LMLN: variants seen among roughly 807,000 people sequenced by gnomAD.
LMLN encodes the protein leishmanolysin-like peptidase.
Under a neutral mutation model 92.3 loss-of-function variants are expected in LMLN, and 70 were observed. The observed-to-expected ratio is 0.76, with a 90% CI of 0.63 to 0.92. LMLN has a LOEUF of 0.92. LMLN is among the 40% of genes least tolerant of loss of function. The probability of loss-of-function intolerance (pLI) is 0.00; values close to 1 mark genes in which losing one functional copy is unlikely to be tolerated. For synonymous variants in LMLN, 308 were observed against 296.2 expected (o/e 1.04, Z -0.41); for missense variants, 691 against 814.6 (o/e 0.85, Z 1.85).
At chr3:198,020,784 T>G (rs1168707303) in intron 12 of LMLN, among the ~76,000 whole-genome samples, 1 of 136,848 alleles carries the variant, frequency 7.3e-6, no homozygotes, top group African/African-American at 2.8e-5. Context: ...TTTTTTTTTT[T>G]TTTTTTTTTT....
intron 1 of LMLN, among the ~76,000 whole-genome samples, chr3:197,967,390 G>A (rs765474983): frequency 8.5e-5 from 13 of 152,174 alleles, no homozygotes; most frequent in African/African-American, 1.4e-4. Flanking sequence ...CGTGATGCCC[G>A]CCTGAGCCGC....
At chr3:197,984,767 C>T (rs1721655580) in intron 7 of LMLN, among the ~76,000 whole-genome samples, 1 of 151,928 alleles carries the variant, frequency 6.6e-6, no homozygotes, top group Admixed American at 6.6e-5. Flanking sequence ...CTGCAACCTC[C>T]TGGGCTCAAA....
intron 8 of LMLN, among the ~76,000 whole-genome samples, chr3:197,988,977 C>G (rs989916574): frequency 4.6e-5 from 7 of 152,190 alleles, no homozygotes; most frequent in Non-Finnish European, 8.8e-5. Flanking sequence ...GCCACTGCAC[C>G]TGGCCTATGT....
At chr3:198,014,238 G>C (rs1722547415) in intron 11 of LMLN, among the ~76,000 whole-genome samples, 2 of 140,444 alleles carry the variant, frequency 1.4e-5, no homozygotes, top group Admixed American at 7.1e-5. Flanking sequence ...TGACTTCTCT[G>C]TATCCTTCAG....
rs1429120281 is a variant in LMLN, at chr3:197,980,505, G to T, written c.728+1G>T. 1.2e-6 allele frequency: 2 copies of T among 1,610,368 alleles called. No homozygotes were observed. Among genetic ancestry groups the T allele is most frequent in the Non-Finnish European group, 1.7e-6 (2 of 1,177,980 alleles). On this transcript the variant is annotated splice_donor_variant, in intron 6 of 15. Coordinates refer to ENST00000330198, the Ensembl canonical transcript of LMLN. LOFTEE classifies it high-confidence loss of function. ...GTCAGCAGGAAGCAAACATGGACAG[G>T]TAATCTTTCCTCCGGGACTTAGTTT... is the stretch of plus-strand genomic sequence containing the variant.
At position 198,035,824 on chromosome 3, in the gene LMLN, T is replaced by A; in HGVS notation, c.1657-9T>A. On this transcript the variant is annotated splice_polypyrimidine_tract_variant and intron_variant, in intron 14 of 15. Coordinates refer to ENST00000330198, the Ensembl canonical transcript of LMLN. The stretch of plus-strand genomic sequence containing the variant: ...TATTTTTATATATCTATTTTTTTCC[T>A]GTTTGAAGGTTTCTTGTTCTCCTCA... 1 of 1,604,070 alleles carries A rather than the reference T, an allele frequency of 6.2e-7. No homozygotes were observed. Among genetic ancestry groups the A allele is most frequent in the South Asian group, 1.1e-5 (1 of 90,126 alleles).
chr3:198,020,773 T>TC (rs1722758707), intron 12 of LMLN, among the ~76,000 whole-genome samples: 1 of 123,572 alleles, frequency 8.1e-6, no homozygotes, highest in Non-Finnish European at 1.7e-5. Context: ...TTTGTATTTT[T>TC]TTTTTTTTTT....
intron 14 of LMLN, 37 bp downstream of exon 15, chr3:198,024,825 A>G: frequency 6.5e-7 from 1 of 1,534,776 alleles, no homozygotes; most frequent in Non-Finnish European, 8.8e-7. Context: ...GCCAAATATT[A>G]TGTGATTTTA....
Position 197,996,264 on chromosome 3 carries a change from G to A in LMLN, c.1137G>A (p.Trp379Ter). Reference sequence around the variant, plus strand: ...GTGTGGGCACTGAGCTCAACCATTGGGAAAAAAGGTTATTAGAGGTCAGTT... The same window carrying A: ...GTGTGGGCACTGAGCTCAACCATTGAGAAAAAAGGTTATTAGAGGTCAGTT... Residue 379 changes from tryptophan (W) to a stop codon, truncating the protein, a stop_gained, in exon 10 of 16, where the codon TGG becomes TGA. Coordinates refer to ENST00000330198, the Ensembl canonical transcript of LMLN. LOFTEE classifies it high-confidence loss of function. 2 of 1,592,962 alleles carry A rather than the reference G, an allele frequency of 1.3e-6. No homozygotes were observed. The highest frequency in any genetic ancestry group is 1.7e-6 in the Non-Finnish European group (2 of 1,168,600).
At chr3:197,963,201 C>CTTTTT (rs59827521) in intron 1 of LMLN, among the ~76,000 whole-genome samples, 7 of 144,070 alleles carry the variant, frequency 4.9e-5, no homozygotes, top group East Asian at 2.0e-4. Flanking sequence ...TTTTCTCTCT[C>CTTTTT]TTTTTTTTTT....
intron 9 of LMLN, 23 bp from the exon 10 acceptor site, chr3:197,996,152 C>A: frequency 1.4e-6 from 2 of 1,409,362 alleles, no homozygotes; most frequent in Non-Finnish European, 1.9e-6. Context: ...ATATTTGTTT[C>A]TGATTTTTTT....
chr3:198,026,744 C>T (rs564951714), intron 14 of LMLN, among the ~76,000 whole-genome samples: 17 of 152,132 alleles, frequency 1.1e-4, no homozygotes, highest in African/African-American at 2.7e-4. Flanking sequence ...AAGATCTGGG[C>T]GGTAATTATA....
intron 4 of LMLN, 113 bp from the exon 5 acceptor site, chr3:197,976,485 A>C (rs1003017562): frequency 6.9e-6 from 4 of 578,602 alleles, no homozygotes; most frequent in Non-Finnish European, 1.2e-5. Flanking sequence ...TGACTAAAAT[A>C]GTAACATTAT....
intron 7 of LMLN, chr3:197,985,506 A>G (rs1721680634): frequency 5.0e-6 from 1 of 201,656 alleles, no homozygotes; most frequent in African/African-American, 2.3e-5. Context: ...AAATATAATT[A>G]TACGACAGTA....
At chr3:197,971,944 C>CTTTTTTTTTTTTTTTTTTTTTTTTTGTT (rs756710031) in intron 1 of LMLN, among the ~76,000 whole-genome samples, 1 of 81,218 alleles carries the variant, frequency 1.2e-5, no homozygotes, top group Admixed American at 1.4e-4. Context: ...AGTCTCTGTT[C>CTTTTTTTTTTTTTTTTTTTTTTTTTGTT]TTTTTTTTTT....
chr3:197,993,765 C>CA (rs958931706), intron 9 of LMLN, among the ~76,000 whole-genome samples: 49 of 151,204 alleles, frequency 3.2e-4, no homozygotes, highest in Admixed American at 1.1e-3. Flanking sequence ...ACAAACACAC[C>CA]AAAAAAAAGA....
At chr3:198,023,059 A>T (rs150587748) in intron 13 of LMLN, among the ~76,000 whole-genome samples, 3 of 152,292 alleles carry the variant, frequency 2.0e-5, no homozygotes, top group Non-Finnish European at 2.9e-5. Context: ...TTTGTGGGTC[A>T]TAAGGTCTCT....
chr3:198,007,281 T>A (rs11924117), intron 11 of LMLN, among the ~76,000 whole-genome samples: 5 of 152,232 alleles, frequency 3.3e-5, no homozygotes, highest in Non-Finnish European at 7.3e-5. Context: ...GAAAGTTTTC[T>A]TATGTTTTTT....
chr3:198,014,955 C>T (rs1338008990), intron 11 of LMLN, among the ~76,000 whole-genome samples: 49 of 136,864 alleles, frequency 3.6e-4, no homozygotes, highest in Non-Finnish European at 6.6e-4. Flanking sequence ...CCCTTCAGAG[C>T]CCCCTAACTA....
Sources: gnomAD v4.1 joint callset for allele counts (sites outside exome capture counted in the v4.1 genomes callset) on GRCh38, gnomAD v4.1.1 for gene constraint, MANE v1.5 for transcripts, NCBI Gene and HGNC (gene_info 2026-07-23, HGNC 2026-07-21) for gene names.